Variants in DPYD observed in about 807,000 individuals in gnomAD.
DPYD encodes dihydropyrimidine dehydrogenase.
A neutral mutation model predicts 116.2 loss-of-function variants in DPYD; 109 were observed. That is an observed-to-expected ratio of 0.94 (90% confidence interval 0.80 to 1.10). The LOEUF is 1.10. DPYD is among the 50% of genes least tolerant of loss of function. The probability of loss-of-function intolerance (pLI) is 0.00; values close to 1 mark genes in which losing one functional copy is unlikely to be tolerated. For synonymous variants in DPYD, 440 were observed against 432.0 expected (o/e 1.02, Z -0.23); for missense variants, 1,302 against 1,254.5 (o/e 1.04, Z -0.57).
chr1:97,405,109 G>A (rs1417671528), intron 14 of DPYD, among the ~76,000 whole-genome samples: 1 of 151,870 alleles, frequency 6.6e-6, no homozygotes, highest in Non-Finnish European at 1.5e-5. Context: ...TTGTGTCACT[G>A]CTGTCATTCA....
intron 5 of DPYD, among the ~76,000 whole-genome samples, chr1:97,718,867 A>C (rs1276096092): frequency 2.0e-5 from 3 of 152,010 alleles, no homozygotes; most frequent in East Asian, 3.9e-4. Flanking sequence ...AAATATTTTC[A>C]AAATAAAATT....
rs1378220711 is a variant in DPYD at position 97,170,278 on chromosome 1, G to A, written c.2622+22791C>T. ...AAGGTCCTTGGCAGGTATATCTAGG[G>A]TTTTCCTTGCTATTAAGTGTAAATC... On this transcript the variant is annotated intron_variant, in intron 20 of 22. Coordinates refer to ENST00000370192, the MANE Select transcript of DPYD (RefSeq NM_000110.4). Among the ~76,000 whole-genome samples, 30 of 152,108 alleles carry A rather than the reference G, an allele frequency of 2.0e-4. 1 individual carries two copies. The highest frequency in any genetic ancestry group is 2.0e-3 in the Admixed American group (30 of 15,260).
At chr1:97,149,904 G>A (rs571951557) in intron 20 of DPYD, among the ~76,000 whole-genome samples, 3 of 152,258 alleles carry the variant, frequency 2.0e-5, no homozygotes, top group South Asian at 4.1e-4. Flanking sequence ...CACCATTTCT[G>A]TGTAAAACCA....
intron 12 of DPYD, among the ~76,000 whole-genome samples, chr1:97,530,932 T>TC (rs1438322461): frequency 6.6e-6 from 1 of 152,210 alleles, no homozygotes; most frequent in African/African-American, 2.4e-5. Flanking sequence ...AAATATCTAT[T>TC]CAAGTCCCTT....
At chr1:97,191,564 T>C (rs1402095291) in intron 20 of DPYD, among the ~76,000 whole-genome samples, 1 of 152,234 alleles carries the variant, frequency 6.6e-6, no homozygotes, top group African/African-American at 2.4e-5. Context: ...TTTCCATTTA[T>C]GTCATTGACA....
At chr1:97,463,050 C>G (rs1280623468) in intron 13 of DPYD, among the ~76,000 whole-genome samples, 1 of 152,162 alleles carries the variant, frequency 6.6e-6, no homozygotes, top group Admixed American at 6.6e-5. Context: ...TGACTTGGAA[C>G]CCTCCCCTGC....
intron 12 of DPYD, among the ~76,000 whole-genome samples, chr1:97,523,359 G>A (rs1424855578): frequency 1.3e-5 from 2 of 152,010 alleles, no homozygotes; most frequent in Non-Finnish European, 2.9e-5. Flanking sequence ...ATTTTTGGGG[G>A]GAGACTGAGT....
intron 2 of DPYD, chr1:97,855,463 A>G (rs370746714): frequency 6.6e-5 from 10 of 152,200 alleles, no homozygotes; most frequent in Non-Finnish European, 1.5e-4. Flanking sequence ...GCCTTAAATC[A>G]ACTTTGGTAG....
At chr1:97,748,480 G>A (rs1212761446) in intron 3 of DPYD, among the ~76,000 whole-genome samples, 2 of 152,020 alleles carry the variant, frequency 1.3e-5, no homozygotes, top group African/African-American at 2.4e-5. Context: ...GTGGTGGCAC[G>A]CACCTGTAAT....
intron 20 of DPYD, among the ~76,000 whole-genome samples, chr1:97,110,774 A>G (rs1651533598): frequency 6.6e-6 from 1 of 151,958 alleles, no homozygotes; most frequent in Non-Finnish European, 1.5e-5. Context: ...GCTAACAACA[A>G]TCTTTATTGT....
intron 8 of DPYD, among the ~76,000 whole-genome samples, chr1:97,608,126 A>T (rs1205887105): frequency 6.6e-6 from 1 of 151,924 alleles, no homozygotes; most frequent in African/African-American, 2.4e-5. Flanking sequence ...ATTGGCCAGA[A>T]GGAGAATACA....
At chr1:97,809,942 A>T (rs1339395986) in intron 3 of DPYD, among the ~76,000 whole-genome samples, 1 of 152,150 alleles carries the variant, frequency 6.6e-6, no homozygotes. Flanking sequence ...AACAGGCAAT[A>T]TGATATAATG....
intron 5 of DPYD, among the ~76,000 whole-genome samples, chr1:97,712,679 C>T (rs1662359814): frequency 6.6e-6 from 1 of 152,108 alleles, no homozygotes; most frequent in Middle Eastern, 3.4e-3. Context: ...ATCAACAATA[C>T]TCCTATCCCT....
intron 19 of DPYD, among the ~76,000 whole-genome samples, chr1:97,215,859 T>C (rs1468384360): frequency 1.3e-5 from 2 of 152,160 alleles, no homozygotes; most frequent in African/African-American, 2.4e-5. Context: ...TGCCTTTCTG[T>C]TGCTCTATTT....
At chr1:97,255,552 CTT>C (rs1470967477) in intron 18 of DPYD, among the ~76,000 whole-genome samples, 2 of 152,166 alleles carry the variant, frequency 1.3e-5, no homozygotes, top group Non-Finnish European at 2.9e-5. Flanking sequence ...ACTTGCTCCT[CTT>C]TGCCTTCTGT....
At chr1:97,864,747 G>A (rs1671288867) in intron 2 of DPYD, among the ~76,000 whole-genome samples, 1 of 151,782 alleles carries the variant, frequency 6.6e-6, no homozygotes, top group South Asian at 2.1e-4. Flanking sequence ...GGAAACACAT[G>A]GAAATATGTT....
chr1:97,455,337 CG>C (rs1405823961), intron 13 of DPYD, among the ~76,000 whole-genome samples: 1 of 151,828 alleles, frequency 6.6e-6, no homozygotes, highest in Non-Finnish European at 1.5e-5. Context: ...TAACTGAAAT[CG>C]AAGAAACATT....
At chr1:97,698,270 T>C (rs1281652556) in intron 6 of DPYD, among the ~76,000 whole-genome samples, 1 of 151,834 alleles carries the variant, frequency 6.6e-6, no homozygotes, top group Non-Finnish European at 1.5e-5. Context: ...CAAATAAGAT[T>C]ATATTAATGA....
At chr1:97,125,357 C>T (rs139013427) in intron 20 of DPYD, among the ~76,000 whole-genome samples, 37 of 152,108 alleles carry the variant, frequency 2.4e-4, no homozygotes, top group Non-Finnish European at 4.3e-4. Context: ...AGTATTACAC[C>T]ATAGATGTTC....
Sources: allele counts gnomAD v4.1 joint callset (sites outside exome capture counted in the v4.1 genomes callset), GRCh38; gene constraint gnomAD v4.1.1; transcripts MANE v1.5; gene names NCBI Gene and HGNC (gene_info 2026-07-23, HGNC 2026-07-21).